The following ELOVL7 variants were observed in gnomAD, a reference collection of about 807,000 sequenced individuals.
ELOVL7 encodes ELOVL fatty acid elongase 7.
ELOVL7 carries 27 observed loss-of-function variants against 35.7 expected under a neutral mutation model. The ratio of observed to expected loss-of-function variants is 0.76; its 90% CI spans 0.56 to 1.04. The LOEUF (loss-of-function observed/expected upper bound fraction) is 1.04, where lower values mean the gene tolerates loss of function less well. ELOVL7 is among the 50% of genes least tolerant of loss of function. The pLI is 0.00. For missense variants in ELOVL7, 327 were observed against 340.8 expected (o/e 0.96, Z 0.32); for synonymous variants, 113 against 114.6 (o/e 0.99, Z 0.09).
In ELOVL7 at chr5:60,771,949, G is replaced by A. The variant is rs199955250; in HGVS notation, c.209C>T (p.Thr70Met). 31 of 1,613,704 alleles carry A rather than the reference G, an allele frequency of 1.9e-5. No individual in the cohort carries two copies. The highest frequency in any genetic ancestry group is 1.3e-4 in the Admixed American group (8 of 59,962). ...AAAGAGTACTATGAAAAAATTGTACGTTATCATTGCTTTCTTGAGTTCAAA... is the reference window on the plus strand; with the variant it reads ...AAAGAGTACTATGAAAAAATTGTACATTATCATTGCTTTCTTGAGTTCAAA... ...KPFELKKAMI[T>M]YNFFIVLFSV... The change falls in exon 4 of 9, where the codon ACG becomes ATG. Residue 70 changes from threonine (T) to methionine (M), a missense_variant. Physicochemically the swap from Thr to Met is moderately conservative, Grantham distance 81. Transcript: ENST00000508821.
At chr5:60,843,386 C>A (rs1477705719) in intron 1 of ELOVL7, 1 of 151,832 alleles carries the variant, frequency 6.6e-6, no homozygotes, top group Non-Finnish European at 1.5e-5. Flanking sequence ...TCCCAACGAA[C>A]CTGGGAAAGC....
intron 1 of ELOVL7, among the ~76,000 whole-genome samples, chr5:60,803,812 A>T (rs942537902): frequency 2.0e-5 from 3 of 152,216 alleles, no homozygotes; most frequent in African/African-American, 7.2e-5. Context: ...CTGTCTTTCA[A>T]TCAAGTTTAA....
chr5:60,820,304 C>T (rs1312750873), intron 1 of ELOVL7, among the ~76,000 whole-genome samples: 1 of 152,192 alleles, frequency 6.6e-6, no homozygotes, highest in East Asian at 1.9e-4. Context: ...TTGTGAAACA[C>T]AGAGCAGAAA....
At chr5:60,759,632 GTTTT>G (rs968668512) in intron 7 of ELOVL7, among the ~76,000 whole-genome samples, 23 of 149,432 alleles carry the variant, frequency 1.5e-4, no homozygotes, top group African/African-American at 5.0e-4. Flanking sequence ...TTTGTCTAAA[GTTTT>G]TTTTATTTAT....
intron 3 of ELOVL7, chr5:60,786,004 C>T (rs546370855): frequency 2.0e-4 from 31 of 152,270 alleles, no homozygotes; most frequent in African/African-American, 7.2e-4. Flanking sequence ...GCATTTCCTT[C>T]CTGAATTTGG....
chr5:60,779,615 G>A (rs1743115721), intron 3 of ELOVL7, among the ~76,000 whole-genome samples: 1 of 152,102 alleles, frequency 6.6e-6, no homozygotes, highest in Non-Finnish European at 1.5e-5. Flanking sequence ...GGAGCCCTGG[G>A]CCCAGCCCCA....
chr5:60,785,307 G>C (rs749369757), intron 3 of ELOVL7, among the ~76,000 whole-genome samples: 1 of 152,122 alleles, frequency 6.6e-6, no homozygotes, highest in Non-Finnish European at 1.5e-5. Context: ...TTTCAATGTA[G>C]GTATTCCTAA....
chr5:60,769,198 T>C (rs1742427061), intron 4 of ELOVL7, among the ~76,000 whole-genome samples: 1 of 152,188 alleles, frequency 6.6e-6, no homozygotes, highest in African/African-American at 2.4e-5. Flanking sequence ...TTTTGCCAAA[T>C]GAATAAGGGC....
At chr5:60,793,159 G>A (rs183404817) in intron 2 of ELOVL7, among the ~76,000 whole-genome samples, 1 of 152,280 alleles carries the variant, frequency 6.6e-6, no homozygotes, top group Admixed American at 6.5e-5. Context: ...ATTGTTTTTG[G>A]ACAAGCACCC....
intron 2 of ELOVL7, 169 bp from the exon 3 acceptor site, chr5:60,787,600 A>G: frequency 2.2e-6 from 1 of 446,104 alleles, no homozygotes; most frequent in South Asian, 2.9e-5. Context: ...ACCCTGATGC[A>G]GTTGCAGACA....
chr5:60,818,319 G>GAAAAAAAAA, intron 1 of ELOVL7, among the ~76,000 whole-genome samples: 1 of 70,592 alleles, frequency 1.4e-5, no homozygotes, highest in Non-Finnish European at 2.6e-5. Context: ...TTCCATCTCA[G>GAAAAAAAAA]AAAAAAAAAA....
At chr5:60,801,094 A>G (rs1045452445) in intron 1 of ELOVL7, among the ~76,000 whole-genome samples, 2 of 151,898 alleles carry the variant, frequency 1.3e-5, no homozygotes, top group Non-Finnish European at 2.9e-5. Context: ...TGCCTGGCTA[A>G]TTTTTTATTT....
chr5:60,838,350 T>C lies in ELOVL7; in HGVS notation c.-86+5810A>G, dbSNP rs187835584. Reference sequence around the variant, plus strand: ...CTTCTTTCCTCTCAGAAGGACTTCCTGTCTGCCCGCCTCTGCCTTGCCTCC... The same window carrying C: ...CTTCTTTCCTCTCAGAAGGACTTCCCGTCTGCCCGCCTCTGCCTTGCCTCC... On this transcript the variant is annotated intron_variant, in intron 1 of 8. Coordinates refer to ENST00000508821, the MANE Select transcript of ELOVL7 (RefSeq NM_024930.3). 1.4e-3 allele frequency among the ~76,000 whole-genome samples: 211 copies of C among 152,220 alleles called. 3 individuals carry two copies. The highest frequency in any genetic ancestry group is 1.8e-3 in the Non-Finnish European group (122 of 68,026).
intron 1 of ELOVL7, among the ~76,000 whole-genome samples, chr5:60,806,963 G>C (rs902311961): frequency 3.3e-5 from 5 of 152,144 alleles, no homozygotes; most frequent in African/African-American, 1.2e-4. Context: ...AATAAGGAAG[G>C]GCTACATACA....
chr5:60,791,084 C>T (rs1743907868), intron 2 of ELOVL7, among the ~76,000 whole-genome samples: 1 of 152,138 alleles, frequency 6.6e-6, no homozygotes, highest in South Asian at 2.1e-4. Flanking sequence ...TCAAGTGATC[C>T]TCCTGTCTCA....
At chr5:60,800,037 A>C (rs1243711924) in intron 1 of ELOVL7, among the ~76,000 whole-genome samples, 13 of 35,576 alleles carry the variant, frequency 3.7e-4, no homozygotes, top group East Asian at 5.6e-3. Flanking sequence ...TCTCAAAAAA[A>C]AAAAAAAAAA....
chr5:60,806,158 G>A (rs896282645), intron 1 of ELOVL7, among the ~76,000 whole-genome samples: 3 of 152,122 alleles, frequency 2.0e-5, no homozygotes, highest in African/African-American at 7.2e-5. Flanking sequence ...CAAGGGAGAG[G>A]CCTGAACAGA....
chr5:60,840,610 C>T (rs967111436), intron 1 of ELOVL7, among the ~76,000 whole-genome samples: 4 of 152,182 alleles, frequency 2.6e-5, no homozygotes, highest in South Asian at 4.1e-4. Context: ...ACTAATACAA[C>T]ATTTAATAAT....
chr5:60,809,065 C>A (rs1057031045), intron 1 of ELOVL7, among the ~76,000 whole-genome samples: 1 of 152,026 alleles, frequency 6.6e-6, no homozygotes, highest in Admixed American at 6.5e-5. Flanking sequence ...TATTAAGAGA[C>A]TGGTAAAATG....
Sources: gnomAD v4.1 joint callset for allele counts (sites outside exome capture counted in the v4.1 genomes callset) on GRCh38, gnomAD v4.1.1 for gene constraint, MANE v1.5 for transcripts, NCBI Gene and HGNC (gene_info 2026-07-23, HGNC 2026-07-21) for gene names.